GRIK4: variants seen among roughly 807,000 people sequenced by gnomAD.
The protein encoded by GRIK4 is glutamate receptor ionotropic, kainate 4.
GRIK4 carries 40 observed loss-of-function variants against 104.9 expected under a neutral mutation model. That is an observed-to-expected ratio of 0.38 (90% confidence interval 0.30 to 0.50). The LOEUF (loss-of-function observed/expected upper bound fraction) is 0.50, where lower values mean the gene tolerates loss of function less well. GRIK4 is among the 20% of genes least tolerant of loss of function. The pLI is 0.93. For missense variants in GRIK4, 1,047 were observed against 1,308.1 expected (o/e 0.80, Z 3.08); for synonymous variants, 485 against 524.9 (o/e 0.92, Z 1.04).
At chr11:120,818,975 C>T (rs543952708) in intron 5 of GRIK4, among the ~76,000 whole-genome samples, 9 of 152,272 alleles carry the variant, frequency 5.9e-5, no homozygotes, top group East Asian at 3.9e-4. Context: ...TAGCCTAAGC[C>T]GCCAATAAAG....
At chr11:120,645,033 A>G (rs1222535651) in intron 1 of GRIK4, among the ~76,000 whole-genome samples, 1 of 152,224 alleles carries the variant, frequency 6.6e-6, no homozygotes, top group Admixed American at 6.5e-5. Context: ...ACATGTATCA[A>G]TGATGTACAT....
chr11:120,601,552 C>T (rs1004203590), intron 1 of GRIK4, among the ~76,000 whole-genome samples: 3 of 149,986 alleles, frequency 2.0e-5, no homozygotes, highest in Non-Finnish European at 3.0e-5. Context: ...TGTGGGGGGG[C>T]GCAAAATTGA....
intron 1 of GRIK4, among the ~76,000 whole-genome samples, chr11:120,561,230 A>G (rs1948234205): frequency 4.6e-5 from 7 of 151,434 alleles, no homozygotes; most frequent in Admixed American, 3.3e-4. Flanking sequence ...GTTTAGCGGC[A>G]GCCAGGGGAG....
At chr11:120,521,231 C>T (rs997755616) in intron 1 of GRIK4, among the ~76,000 whole-genome samples, 1 of 152,048 alleles carries the variant, frequency 6.6e-6, no homozygotes, top group South Asian at 2.1e-4. Flanking sequence ...CACCACCATG[C>T]CTGGCGAATA....
intron 13 of GRIK4, among the ~76,000 whole-genome samples, chr11:120,917,707 G>T (rs536840669): frequency 1.3e-5 from 2 of 152,284 alleles, no homozygotes; most frequent in Middle Eastern, 3.4e-3. Flanking sequence ...GGAGTTGCCC[G>T]GGGGGATCTG....
At chr11:120,528,059 G>A (rs1172007617) in intron 1 of GRIK4, among the ~76,000 whole-genome samples, 4 of 152,214 alleles carry the variant, frequency 2.6e-5, no homozygotes, top group African/African-American at 9.7e-5. Context: ...GATCTCCCGG[G>A]CTCAGCCGGT....
chr11:120,810,137 C>T (rs1952801055), intron 4 of GRIK4, among the ~76,000 whole-genome samples: 1 of 152,110 alleles, frequency 6.6e-6, no homozygotes, highest in Non-Finnish European at 1.5e-5. Flanking sequence ...TCCAGTAACC[C>T]CATACTCAAA....
At chr11:120,970,714 C>T (rs1944460878) in intron 19 of GRIK4, among the ~76,000 whole-genome samples, 1 of 152,118 alleles carries the variant, frequency 6.6e-6, no homozygotes, top group African/African-American at 2.4e-5. Context: ...GACCATCTCT[C>T]CCATTCCAGA....
At chr11:120,714,964 C>CTGCAGACTCCCA (rs200820588) in intron 3 of GRIK4, among the ~76,000 whole-genome samples, 1,650 of 152,300 alleles carry the variant, frequency 0.011, 30 homozygotes, top group African/African-American at 0.038. Flanking sequence ...ACTCCTTTAG[C>CTGCAGACTCCCA]TGCAGAGTGG....
At chr11:120,672,776 G>A (rs150085036) in intron 3 of GRIK4, among the ~76,000 whole-genome samples, 1,640 of 152,290 alleles carry the variant, frequency 0.011, 36 homozygotes, top group African/African-American at 0.037. Flanking sequence ...CATTGATTTT[G>A]TATCCTAAGA....
intron 1 of GRIK4, among the ~76,000 whole-genome samples, chr11:120,552,916 C>T (rs1175179942): frequency 6.6e-6 from 1 of 151,498 alleles, no homozygotes; most frequent in Non-Finnish European, 1.5e-5. Context: ...AGGAGAATCA[C>T]TGGAACCCGG....
intron 9 of GRIK4, chr11:120,871,957 AT>A: frequency 4.4e-6 from 2 of 455,500 alleles, no homozygotes; most frequent in South Asian, 3.1e-5. Context: ...AGTTCCCCTC[AT>A]AGGCCTCCTG....
intron 7 of GRIK4, among the ~76,000 whole-genome samples, chr11:120,835,399 G>T (rs1024237841): frequency 3.9e-5 from 6 of 152,152 alleles, no homozygotes; most frequent in African/African-American, 1.4e-4. Context: ...GTGGTCGTGG[G>T]TGCCTGTAAT....
chr11:120,597,841 A>G (rs1248219935), intron 1 of GRIK4, among the ~76,000 whole-genome samples: 2 of 152,174 alleles, frequency 1.3e-5, no homozygotes, highest in Non-Finnish European at 2.9e-5. Context: ...CAGCCCAATT[A>G]GAAACCTGCC....
chr11:120,690,104 G>A (rs573541276), intron 3 of GRIK4, among the ~76,000 whole-genome samples: 1 of 152,286 alleles, frequency 6.6e-6, no homozygotes, highest in African/African-American at 2.4e-5. Flanking sequence ...TTGGGTAGGA[G>A]ATCTGTGCAA....
chr11:120,530,400 A>C (rs1947911044), intron 1 of GRIK4, among the ~76,000 whole-genome samples: 3 of 151,402 alleles, frequency 2.0e-5, no homozygotes, highest in Non-Finnish European at 4.4e-5. Flanking sequence ...GGGTGGGGGT[A>C]GGGGGACTTA....
intron 3 of GRIK4, among the ~76,000 whole-genome samples, chr11:120,738,717 C>T (rs1951271402): frequency 6.6e-6 from 1 of 152,206 alleles, no homozygotes. Flanking sequence ...AGACAGGATG[C>T]CAAGCAGATC....
At chr11:120,931,198 G>A (rs771078686) in intron 13 of GRIK4, among the ~76,000 whole-genome samples, 2 of 152,174 alleles carry the variant, frequency 1.3e-5, no homozygotes, top group African/African-American at 4.8e-5. Context: ...CAGTGACCCA[G>A]GCAATGTAGT....
chr11:120,630,680 A>G (rs910567383), intron 1 of GRIK4, among the ~76,000 whole-genome samples: 2 of 152,206 alleles, frequency 1.3e-5, no homozygotes, highest in Non-Finnish European at 2.9e-5. Flanking sequence ...TTTGAGCACA[A>G]ATGAACAAGT....
Sources: allele counts gnomAD v4.1 joint callset (sites outside exome capture counted in the v4.1 genomes callset), GRCh38; gene constraint gnomAD v4.1.1; transcripts MANE v1.5; gene names NCBI Gene and HGNC (gene_info 2026-07-23, HGNC 2026-07-21).